Variants in WAC observed in about 807,000 individuals in gnomAD.
WAC encodes WW domain containing adaptor with coiled-coil.
In WAC, 11 loss-of-function variants were observed where a neutral mutation model predicts 79.6. The observed-to-expected ratio is 0.14, with a 90% CI of 0.09 to 0.23. WAC has a LOEUF of 0.23. WAC is among the 10% of genes least tolerant of loss of function. The probability of loss-of-function intolerance (pLI) is 1.00; values close to 1 mark genes in which losing one functional copy is unlikely to be tolerated. For synonymous variants in WAC, 304 were observed against 276.9 expected (o/e 1.10, Z -0.97); for missense variants, 728 against 773.5 (o/e 0.94, Z 0.70).
intron 3 of WAC, among the ~76,000 whole-genome samples, chr10:28,564,294 A>C (rs1227697617): frequency 6.6e-6 from 1 of 152,144 alleles, no homozygotes; most frequent in Non-Finnish European, 1.5e-5. Context: ...TAGGAACAAG[A>C]ACAATGGGAA....
chr10:28,604,034 TAA>T (rs1201817925), intron 7 of WAC, among the ~76,000 whole-genome samples: 2 of 146,248 alleles, frequency 1.4e-5, no homozygotes, highest in Non-Finnish European at 3.0e-5. Context: ...TGATTTTTTT[TAA>T]GTTATTCCAA....
rs759243138 is a variant in WAC, at chr10:28,608,384, C to T, written c.1118C>T (p.Thr373Met). 5.6e-6 allele frequency: 9 copies of T among 1,612,888 alleles called. No individual in the cohort carries two copies. The highest frequency in any genetic ancestry group is 7.6e-6 in the Non-Finnish European group (9 of 1,179,344). ...CAATTGCTTCCTGCTTTGCAAGCCA[C>T]GCTGCAGCTTAATAATTCTAATGTG... ...LRQLLPALQA[T>M]LQLNNSNVDI... The change falls in exon 8 of 14, where the codon ACG becomes ATG. Residue 373 changes from threonine to methionine, a missense_variant. This residue lies in a region of WAC where 648 missense variants were observed against 661.5 expected (regional missense o/e 0.98). Transcript: ENST00000354911.
chr10:28,535,882 C>G, intron 3 of WAC, 125 bp downstream of exon 3: 2 of 851,496 alleles, frequency 2.3e-6, no homozygotes, highest in Non-Finnish European at 3.4e-6. Flanking sequence ...TATTTTAATC[C>G]TATCATTTTT....
At chr10:28,583,373 T>C (rs1465422094) in intron 3 of WAC, 26 bp from the exon 4 acceptor site, 1 of 1,508,280 alleles carries the variant, frequency 6.6e-7, no homozygotes, top group South Asian at 1.2e-5. Flanking sequence ...TTACTTGTAA[T>C]TCACTTTGTT....
chr10:28,609,412 T>G (rs1404229245), intron 8 of WAC, among the ~76,000 whole-genome samples: 1 of 152,236 alleles, frequency 6.6e-6, no homozygotes, highest in African/African-American at 2.4e-5. Context: ...TTTCACATAA[T>G]ATACTTAAAA....
chr10:28,571,041 C>T (rs1056034171), intron 3 of WAC, among the ~76,000 whole-genome samples: 1 of 146,626 alleles, frequency 6.8e-6, no homozygotes, highest in African/African-American at 2.5e-5. Flanking sequence ...ACTGCAACCT[C>T]GGCCTCCTGG....
At chr10:28,618,537 A>G (rs951748873) in intron 13 of WAC, among the ~76,000 whole-genome samples, 2 of 152,228 alleles carry the variant, frequency 1.3e-5, no homozygotes, top group African/African-American at 2.4e-5. Flanking sequence ...AGTTCTAACA[A>G]ACTTCATTTT....
At chr10:28,582,767 CAT>C (rs773782696) in intron 3 of WAC, among the ~76,000 whole-genome samples, 1 of 152,262 alleles carries the variant, frequency 6.6e-6, no homozygotes, top group African/African-American at 2.4e-5. Context: ...TGGTCACTGA[CAT>C]ATACAGATTT....
At chr10:28,567,051 C>T (rs1340761872) in intron 3 of WAC, among the ~76,000 whole-genome samples, 1 of 150,026 alleles carries the variant, frequency 6.7e-6, no homozygotes, top group Non-Finnish European at 1.5e-5. Context: ...GTCTTATGTG[C>T]TTTATGGTAT....
At chr10:28,567,385 C>T (rs1838706439) in intron 3 of WAC, among the ~76,000 whole-genome samples, 1 of 152,120 alleles carries the variant, frequency 6.6e-6, no homozygotes, top group Non-Finnish European at 1.5e-5. Flanking sequence ...CTTTTGGACA[C>T]TATTTTAATT....
At position 28,622,840 on chromosome 10, in the gene WAC, A is replaced by C. The variant is rs1396189840; in HGVS notation, c.*3234A>C. 6.6e-6 allele frequency: 1 copy of C among 152,144 alleles called. No individual in the cohort carries two copies. Among genetic ancestry groups the C allele is most frequent in the Non-Finnish European group, 1.5e-5 (1 of 68,026 alleles). 9.4% of individuals were successfully genotyped at this position (152,144 alleles called of 1,614,324 possible). ...AAGGGGAGAGGGCAACGCGGGAAAT[A>C]ATTCACTCTGCGCACCGGAACTATT... On this transcript the variant is annotated 3_prime_UTR_variant, in exon 14 of 14. Transcript: ENST00000354911.
chr10:28,540,443 A>C (rs1836948391), intron 3 of WAC, among the ~76,000 whole-genome samples: 1 of 152,326 alleles, frequency 6.6e-6, no homozygotes, highest in South Asian at 2.1e-4. Context: ...CTCAGTGGTT[A>C]CAACTTGCCA....
At chr10:28,593,362 C>T (rs2132693042) in intron 6 of WAC, among the ~76,000 whole-genome samples, 1 of 151,930 alleles carries the variant, frequency 6.6e-6, no homozygotes, top group East Asian at 1.9e-4. Context: ...TAGGGGATGG[C>T]AGAGGGGGAA....
At chr10:28,541,410 TGTGTGTTTTG>T (rs1215735226) in intron 3 of WAC, among the ~76,000 whole-genome samples, 11 of 87,350 alleles carry the variant, frequency 1.3e-4, no homozygotes, top group African/African-American at 4.2e-4. Flanking sequence ...GTTGTGTGTG[TGTGTGTTTTG>T]TTTTTTTTTT....
chr10:28,595,911 T>A lies in WAC; in HGVS notation c.789T>A (p.Val263=). The A allele has an allele frequency of 6.2e-7, 1 of 1,614,166 alleles. No homozygotes were observed. Among genetic ancestry groups the A allele is most frequent in the Non-Finnish European group, 8.5e-7 (1 of 1,180,014 alleles). Reference sequence around the variant, plus strand: ...ATCCAACTGCTACCCCAAGCACTGTTCCTTCTAGTCCATTTACGCTACAGT... The same window carrying A: ...ATCCAACTGCTACCCCAAGCACTGTACCTTCTAGTCCATTTACGCTACAGT... The part of the protein sequence containing the change: ...VVHPTATPST[V]PSSPFTLQSD... The change falls in exon 7 of 14, where the codon GTT becomes GTA. Residue 263 remains valine (V), a synonymous_variant. Coordinates refer to ENST00000354911, the MANE Select transcript of WAC (RefSeq NM_016628.5).
intron 3 of WAC, among the ~76,000 whole-genome samples, chr10:28,547,055 T>G (rs1418246025): frequency 6.6e-6 from 1 of 152,206 alleles, no homozygotes; most frequent in Non-Finnish European, 1.5e-5. Context: ...TCCTGTTGGG[T>G]ACAAAGATCT....
In WAC at chr10:28,558,061, G is replaced by A. The variant is rs573162314; in HGVS notation, c.274+22304G>A. On this transcript the variant is annotated intron_variant, in intron 3 of 13. Coordinates refer to ENST00000354911, the MANE Select transcript of WAC (RefSeq NM_016628.5). ...TGCATTCCAGCCTGGGCAACAGAGC[G>A]AGATTCTGTCTCGGAAAAAAAAAGA... Among the ~76,000 whole-genome samples the A allele has an allele frequency of 3.3e-5, 5 of 152,096 alleles. No homozygotes were observed. The South Asian group carries it at 8.3e-4, about 25-fold the overall frequency.
chr10:28,608,550 T>C (rs1297663204), intron 8 of WAC, 119 bp downstream of exon 8: 4 of 1,150,176 alleles, frequency 3.5e-6, no homozygotes, highest in Non-Finnish European at 4.8e-6. Flanking sequence ...GTTGAACACT[T>C]TTTTTTGTTT....
At chr10:28,558,378 A>G (rs1305465864) in intron 3 of WAC, among the ~76,000 whole-genome samples, 1 of 152,180 alleles carries the variant, frequency 6.6e-6, no homozygotes, top group East Asian at 1.9e-4. Flanking sequence ...CAGCGCAAAG[A>G]AATTATTTGA....
Sources: allele counts gnomAD v4.1 joint callset (sites outside exome capture counted in the v4.1 genomes callset), GRCh38; gene constraint gnomAD v4.1.1; regional missense constraint gnomAD v4.1.1; transcripts MANE v1.5; gene names NCBI Gene and HGNC (gene_info 2026-07-23, HGNC 2026-07-21).